The following MEGF6 variants were observed in gnomAD, a reference collection of about 807,000 sequenced individuals.
MEGF6 encodes multiple EGF like domains 6.
In MEGF6, 184 loss-of-function variants were observed where a neutral mutation model predicts 207.1. That is an observed-to-expected ratio of 0.89 (90% CI 0.79 to 1.00). The LOEUF is 1.00. MEGF6 is among the 50% of genes least tolerant of loss of function. The pLI, the probability that MEGF6 is intolerant of heterozygous loss-of-function variation, is 0.00. For synonymous variants in MEGF6, 1,038 were observed against 910.0 expected (o/e 1.14, Z -2.53); for missense variants, 2,282 against 2,202.9 (o/e 1.04, Z -0.72).
At position 3,560,449 on chromosome 1, in the gene MEGF6, C is replaced by T. The variant is rs1643165997; in HGVS notation, c.481+19376G>A. ...CCTGCCCTAAAAATCCTCTGTGCTC[C>T]GCCTATTCACCCCTTCCTCCCTCCT... On this transcript the variant is annotated intron_variant, in intron 4 of 36. Coordinates refer to ENST00000356575, the MANE Select transcript of MEGF6 (RefSeq NM_001409.4). The surrounding 1 kb of genome is among the most constrained non-coding windows in gnomAD (Gnocchi z 4.0). Among the ~76,000 whole-genome samples the T allele has an allele frequency of 1.3e-5, 2 of 152,166 alleles. No individual in the cohort carries two copies. The highest frequency in any genetic ancestry group is 6.5e-5 in the Admixed American group (1 of 15,284).
chr1:3,492,786 G>A lies in MEGF6; in HGVS notation c.4388-19C>T, dbSNP rs367718225. The A allele has an allele frequency of 4.9e-4, 791 of 1,602,080 alleles. No homozygotes were observed. The highest frequency in any genetic ancestry group is 6.5e-4 in the Admixed American group (39 of 59,760). ...CTGCAATCTGCAAGGCGGAGGGGGC[G>A]GGAGACAAACCTGAGCATCATCCTT... On this transcript the variant is annotated intron_variant, in intron 34 of 36. Transcript: ENST00000356575.
At chr1:3,545,422 C>G (rs572095193) in intron 4 of MEGF6, among the ~76,000 whole-genome samples, 1 of 152,282 alleles carries the variant, frequency 6.6e-6, no homozygotes, top group Non-Finnish European at 1.5e-5. Context: ...TCCTGCGTCC[C>G]ACCTGGGACA....
In MEGF6 at chr1:3,499,621, G is replaced by A. The variant is rs764086155; in HGVS notation, c.2932C>T (p.Pro978Ser). The A allele has an allele frequency of 1.3e-6, 2 of 1,588,876 alleles. No homozygotes were observed. Among genetic ancestry groups the A allele is most frequent in the South Asian group, 1.1e-5 (1 of 87,492 alleles). Reference sequence around the variant, plus strand: ...CAGCGGGGGCCCCGGCGGCCAGCGGGGCAGAGGCAGGAGCCATTCACGGCA... The same window carrying A: ...CAGCGGGGGCCCCGGCGGCCAGCGGAGCAGAGGCAGGAGCCATTCACGGCA... ...CDAVNGSCLC[P>S]AGRRGPRCAE... The change falls in exon 23 of 37, where the codon CCC becomes TCC. Residue 978 changes from proline (P) to serine (S), a missense_variant. Coordinates refer to ENST00000356575, the MANE Select transcript of MEGF6 (RefSeq NM_001409.4).
intron 18 of MEGF6, 150 bp downstream of exon 18, chr1:3,501,646 C>T (rs1303506228): frequency 1.7e-6 from 2 of 1,198,582 alleles, no homozygotes; most frequent in Non-Finnish European, 2.3e-6. Context: ...GACCCCCCCT[C>T]CCTACCCCAG....
chr1:3,501,131 C>G, intron 19 of MEGF6, 37 bp from the exon 20 acceptor site: 1 of 1,612,612 alleles, frequency 6.2e-7, no homozygotes, highest in South Asian at 1.1e-5. Context: ...GGGGCCTGGC[C>G]ACCTACCCCA....
At chr1:3,523,080 G>GGA (rs1553195922) in intron 5 of MEGF6, among the ~76,000 whole-genome samples, 1 of 152,054 alleles carries the variant, frequency 6.6e-6, no homozygotes, top group African/African-American at 2.4e-5. Context: ...GTGCCGGGGG[G>GGA]GGGGCCCCAG....
At chr1:3,592,810 A>G (rs1644000939) in intron 3 of MEGF6, among the ~76,000 whole-genome samples, 1 of 152,098 alleles carries the variant, frequency 6.6e-6, no homozygotes. Flanking sequence ...AAGCAAAAGT[A>G]AAAGGTACAA....
At chr1:3,600,042 C>T (rs1644134003) in intron 2 of MEGF6, among the ~76,000 whole-genome samples, 1 of 152,142 alleles carries the variant, frequency 6.6e-6, no homozygotes, top group South Asian at 2.1e-4. Context: ...CTTGAGTCAC[C>T]CCTCAGTGCC....
intron 23 of MEGF6, 90 bp from the exon 24 acceptor site, chr1:3,499,356 G>T: frequency 1.4e-6 from 2 of 1,480,366 alleles, no homozygotes; most frequent in Non-Finnish European, 1.8e-6. Flanking sequence ...GATCTGCCGG[G>T]GTCCCCTCGG....
chr1:3,492,328 C>T (rs190509145), intron 35 of MEGF6, among the ~76,000 whole-genome samples: 162 of 152,274 alleles, frequency 1.1e-3, no homozygotes, highest in Middle Eastern at 3.4e-3. Flanking sequence ...TGACCCTCTT[C>T]AGGCCCCCGG....
chr1:3,581,125 G>A (rs1057153627), intron 3 of MEGF6, among the ~76,000 whole-genome samples: 2 of 152,146 alleles, frequency 1.3e-5, no homozygotes, highest in African/African-American at 2.4e-5. Flanking sequence ...AGCCATGACC[G>A]GCTCGGGCTT....
At chr1:3,610,071 G>A (rs536772231) in intron 1 of MEGF6, among the ~76,000 whole-genome samples, 9 of 152,364 alleles carry the variant, frequency 5.9e-5, no homozygotes, top group East Asian at 5.8e-4. Context: ...GGAATGTCCC[G>A]CCGTCATGTG....
chr1:3,560,954 G>A lies in MEGF6; in HGVS notation c.481+18871C>T, dbSNP rs751797477. On this transcript the variant is annotated intron_variant, in intron 4 of 36. Transcript: ENST00000356575. This position sits in a 1 kb window ranked among gnomAD's most constrained non-coding sequence, Gnocchi z 4.0. The stretch of plus-strand genomic sequence containing the variant: ...ATCCATCTAGTGCCCCAGGGGCTTC[G>A]GAGGGCAGGGGTCAGCTCTAGGCCC... Among the ~76,000 whole-genome samples the A allele has an allele frequency of 7.2e-5, 11 of 152,164 alleles. No individual in the cohort carries two copies. Among genetic ancestry groups the A allele is most frequent in the African/African-American group, 2.2e-4 (9 of 41,444 alleles).
chr1:3,550,061 G>C (rs1015919166), intron 4 of MEGF6, among the ~76,000 whole-genome samples: 1 of 152,160 alleles, frequency 6.6e-6, no homozygotes, highest in Non-Finnish European at 1.5e-5. Flanking sequence ...GTGGTGAGGG[G>C]AAGGCTCCAT....
At chr1:3,510,372 G>C (rs1193565899) in intron 10 of MEGF6, among the ~76,000 whole-genome samples, 1 of 151,884 alleles carries the variant, frequency 6.6e-6, no homozygotes, top group Non-Finnish European at 1.5e-5. Context: ...CCTGCACGCA[G>C]CAGGCGCTCA....
chr1:3,516,606 G>T (rs1641549580), intron 5 of MEGF6, among the ~76,000 whole-genome samples: 1 of 152,224 alleles, frequency 6.6e-6, no homozygotes. Flanking sequence ...CGAGTCTGGG[G>T]AACCCGTCTA....
rs1345678213 is a variant in MEGF6 at position 3,524,310 on chromosome 1, C to A, written c.482-64G>T. 4.5e-6 allele frequency: 7 copies of A among 1,572,254 alleles called. No homozygotes were observed. In the South Asian group the frequency reaches 5.7e-5, roughly 13 times the overall value. ...GTGCCCTCCTGCTTTGCCAACACAGCCCCCCAGGTGCCGGGGGCCCAGACC... is the reference window on the plus strand; with the variant it reads ...GTGCCCTCCTGCTTTGCCAACACAGACCCCCAGGTGCCGGGGGCCCAGACC... On this transcript the variant is annotated intron_variant, in intron 4 of 36. Coordinates refer to ENST00000356575, the MANE Select transcript of MEGF6 (RefSeq NM_001409.4).
At chr1:3,540,272 G>A (rs904280827) in intron 4 of MEGF6, among the ~76,000 whole-genome samples, 1 of 152,198 alleles carries the variant, frequency 6.6e-6, no homozygotes, top group Non-Finnish European at 1.5e-5. Context: ...GCAGCGCCTC[G>A]GACGGAGCAG....
At chr1:3,510,669 G>T in intron 10 of MEGF6, 114 bp downstream of exon 10, 1 of 1,403,798 alleles carries the variant, frequency 7.1e-7, no homozygotes, top group South Asian at 1.4e-5. Context: ...GCAAAGCACA[G>T]AGCAGGCCGA....
Sources: allele counts gnomAD v4.1 joint callset (sites outside exome capture counted in the v4.1 genomes callset), GRCh38; gene constraint gnomAD v4.1.1; non-coding constraint Gnocchi (gnomAD v3.1); transcripts MANE v1.5; gene names NCBI Gene and HGNC (gene_info 2026-07-23, HGNC 2026-07-21).